CNTN4: variants seen among roughly 807,000 people sequenced by gnomAD.
CNTN4 encodes the protein contactin 4, also known as contactin-4.
Under a neutral mutation model 122.5 loss-of-function variants are expected in CNTN4, and 77 were observed. That is an observed-to-expected ratio of 0.63 (90% CI 0.52 to 0.76). CNTN4 has a LOEUF of 0.76. CNTN4 is among the 30% of genes least tolerant of loss of function. The pLI is 0.00. For synonymous variants in CNTN4, 512 were observed against 447.0 expected, an observed-to-expected ratio of 1.15 and a Z score of -1.83; for missense variants, 1,256 against 1,259.1, an observed-to-expected ratio of 1.00 and a Z score of 0.04.
chr3:2,781,969 C>G (rs542874405), intron 6 of CNTN4, among the ~76,000 whole-genome samples: 1 of 150,682 alleles, frequency 6.6e-6, no homozygotes, highest in Non-Finnish European at 1.5e-5. Context: ...GTGATCCCCC[C>G]GCCTCGGCCT....
At chr3:3,055,881 A>G (rs1019794096) in intron 24 of CNTN4, among the ~76,000 whole-genome samples, 8 of 152,214 alleles carry the variant, frequency 5.3e-5, no homozygotes, top group Admixed American at 2.6e-4. Flanking sequence ...TTCTTCTCAC[A>G]TTAGATAGGA....
chr3:2,969,797 A>G (rs1692712447), intron 13 of CNTN4, among the ~76,000 whole-genome samples: 1 of 152,150 alleles, frequency 6.6e-6, no homozygotes, highest in Non-Finnish European at 1.5e-5. Context: ...TAGGAGTATG[A>G]TTTCAATTAT....
At chr3:3,018,978 G>A (rs1698022273) in intron 14 of CNTN4, among the ~76,000 whole-genome samples, 1 of 152,028 alleles carries the variant, frequency 6.6e-6, no homozygotes. Context: ...GCCAAAATGG[G>A]GACAATTTGA....
intron 13 of CNTN4, among the ~76,000 whole-genome samples, chr3:2,955,350 G>T (rs79667662): frequency 1.3e-5 from 2 of 152,184 alleles, no homozygotes; most frequent in Non-Finnish European, 2.9e-5. Flanking sequence ...TGTCAGTCAC[G>T]TGGTGTTTAT....
chr3:2,194,276 C>G (rs557242996), intron 2 of CNTN4, among the ~76,000 whole-genome samples: 42 of 152,006 alleles, frequency 2.8e-4, no homozygotes, highest in African/African-American at 9.4e-4. Context: ...CTAGCCTGGG[C>G]AACACAAAGA....
At chr3:2,169,556 C>CAT (rs1559306594) in intron 2 of CNTN4, among the ~76,000 whole-genome samples, 1 of 145,622 alleles carries the variant, frequency 6.9e-6, no homozygotes, top group South Asian at 2.2e-4. Context: ...ACAGGCGCCG[C>CAT]CACCACGCCC....
At chr3:3,047,210 C>G (rs544683553) in intron 23 of CNTN4, among the ~76,000 whole-genome samples, 1 of 151,720 alleles carries the variant, frequency 6.6e-6, no homozygotes, top group Non-Finnish European at 1.5e-5. Context: ...CAACATCAGA[C>G]AGATCAACGA....
At chr3:2,896,205 T>G (rs548210919) in intron 10 of CNTN4, among the ~76,000 whole-genome samples, 1 of 152,244 alleles carries the variant, frequency 6.6e-6, no homozygotes, top group East Asian at 1.9e-4. Flanking sequence ...AAAGTATGTG[T>G]ATGTTTCTCA....
chr3:2,262,345 G>C (rs948678053), intron 2 of CNTN4: 4 of 151,928 alleles, frequency 2.6e-5, no homozygotes, highest in African/African-American at 9.7e-5. Flanking sequence ...CTCTACTGCA[G>C]ACTTCGCTAA....
intron 3 of CNTN4, among the ~76,000 whole-genome samples, chr3:2,367,542 G>A (rs2045440488): frequency 6.6e-6 from 1 of 151,846 alleles, no homozygotes; most frequent in Non-Finnish European, 1.5e-5. Flanking sequence ...TTTATTTTTT[G>A]AGACAGAGTT....
intron 4 of CNTN4, among the ~76,000 whole-genome samples, chr3:2,704,047 C>T (rs1248016187): frequency 6.6e-6 from 1 of 151,930 alleles, no homozygotes. Context: ...AATCCCAGAA[C>T]TTTGGGAGGC....
intron 4 of CNTN4, among the ~76,000 whole-genome samples, chr3:2,598,545 C>CAT (rs943236739): frequency 8.5e-5 from 13 of 152,200 alleles, no homozygotes; most frequent in African/African-American, 3.1e-4. Flanking sequence ...CACACATTCA[C>CAT]ATATATATAT....
intron 2 of CNTN4, among the ~76,000 whole-genome samples, chr3:2,219,274 C>T (rs554968406): frequency 5.9e-5 from 9 of 152,098 alleles, no homozygotes; most frequent in South Asian, 2.1e-4. Context: ...TTTTAGGGCT[C>T]CAAAGAAATA....
At chr3:2,488,147 A>G (rs929557634) in intron 3 of CNTN4, among the ~76,000 whole-genome samples, 12 of 152,196 alleles carry the variant, frequency 7.9e-5, no homozygotes, top group African/African-American at 1.4e-4. Flanking sequence ...TTATCCTTCA[A>G]ATACAACTAC....
intron 6 of CNTN4, among the ~76,000 whole-genome samples, chr3:2,747,306 G>A (rs2089832578): frequency 6.6e-6 from 1 of 151,722 alleles, no homozygotes; most frequent in East Asian, 1.9e-4. Flanking sequence ...CTGCTCGGGA[G>A]GCTGAGGCAG....
At chr3:2,988,641 G>A in intron 14 of CNTN4, 169 bp downstream of exon 14, 1 of 702,934 alleles carries the variant, frequency 1.4e-6, no homozygotes, top group Non-Finnish European at 2.4e-6. Context: ...GAAAACTGCT[G>A]GTAATGAATA....
chr3:2,750,718 A>G (rs144251660), intron 6 of CNTN4, among the ~76,000 whole-genome samples: 12 of 152,254 alleles, frequency 7.9e-5, no homozygotes, highest in East Asian at 3.9e-4. Flanking sequence ...TAGCCCTTCT[A>G]TTTCACCTAG....
At chr3:2,585,934 C>T (rs1237654900) in intron 4 of CNTN4, among the ~76,000 whole-genome samples, 1 of 149,814 alleles carries the variant, frequency 6.7e-6, no homozygotes, top group Non-Finnish European at 1.5e-5. Flanking sequence ...AATGATGTAA[C>T]TAGAACCATG....
chr3:2,500,514 A>G (rs969279777), intron 3 of CNTN4, among the ~76,000 whole-genome samples: 6 of 152,110 alleles, frequency 3.9e-5, no homozygotes, highest in African/African-American at 1.4e-4. Context: ...AGAATTCTGC[A>G]TACAATCTAA....
Sources: gnomAD v4.1 joint callset for allele counts (sites outside exome capture counted in the v4.1 genomes callset) on GRCh38, gnomAD v4.1.1 for gene constraint, MANE v1.5 for transcripts, NCBI Gene and HGNC (gene_info 2026-07-23, HGNC 2026-07-21) for gene names.